AZIN1: variants seen among roughly 807,000 people sequenced by gnomAD.
The protein encoded by AZIN1 is ornithine decarboxylase antizyme inhibitor.
Under a neutral mutation model 47.4 loss-of-function variants are expected in AZIN1, and 12 were observed. The observed-to-expected ratio is 0.25, with a 90% CI of 0.16 to 0.41. AZIN1 has a LOEUF of 0.41. Ranked by LOEUF, AZIN1 falls within the 10% of genes least tolerant of loss-of-function variation. The pLI is 1.00. For synonymous variants in AZIN1, 155 were observed against 176.3 expected, an observed-to-expected ratio of 0.88 and a Z score of 0.96; for missense variants, 410 against 532.4, an observed-to-expected ratio of 0.77 and a Z score of 2.26.
intron 3 of AZIN1, among the ~76,000 whole-genome samples, chr8:102,841,163 A>G (rs1812152329): frequency 6.6e-6 from 1 of 152,246 alleles, no homozygotes; most frequent in African/African-American, 2.4e-5. Flanking sequence ...GAAAAGGGAA[A>G]TAAGTTAGGA....
chr8:102,851,521 G>C lies in AZIN1; in HGVS notation c.-96+6492C>G, dbSNP rs187046869. 1.9e-4 allele frequency among the ~76,000 whole-genome samples: 29 copies of C among 152,160 alleles called. 1 individual carries two copies. The highest frequency in any genetic ancestry group is 3.7e-4 in the Non-Finnish European group (25 of 67,968). ...AGGAGTTCCAGACCAGCCTGGCCAA[G>C]ATGGTGAAACCCTGTCTCTACTAAA... On this transcript the variant is annotated intron_variant, in intron 2 of 11. Transcript: ENST00000337198.
intron 2 of AZIN1, among the ~76,000 whole-genome samples, chr8:102,848,913 A>G (rs2131257492): frequency 6.6e-6 from 1 of 152,350 alleles, no homozygotes; most frequent in East Asian, 1.9e-4. Flanking sequence ...CTTAAGACAC[A>G]GCATGTTCTA....
intron 6 of AZIN1, chr8:102,835,367 T>C (rs3018956): frequency 0.39 from 59,293 of 152,226 alleles, 12,292 homozygotes; most frequent in Admixed American, 0.47. Context: ...ATTTTTATGT[T>C]GACTTAAATT....
Position 102,828,617 on chromosome 8 carries a change from G to T in AZIN1, c.1297C>A (p.Pro433Thr), listed in dbSNP as rs1221537137. 6.2e-7 allele frequency: 1 copy of T among 1,611,430 alleles called. No homozygotes were observed. The highest frequency in any genetic ancestry group is 2.2e-5 in the East Asian group (1 of 44,826). ...TCTTGGCTCAGCTGAATGCAAGAAGGCACAAAGAAGAAGTTCTTCATCATT... is the reference window on the plus strand; with the variant it reads ...TCTTGGCTCAGCTGAATGCAAGAAGTCACAAAGAAGAAGTTCTTCATCATT... Reference protein sequence around the residue: ...DSMMKNFFFVPSCIQLSQEDS... With the variant: ...DSMMKNFFFVTSCIQLSQEDS... The change falls in exon 12 of 12, where the codon CCT becomes ACT. Residue 433 changes from proline (P) to threonine (T), a missense_variant. Physicochemically the swap from Pro to Thr is conservative, Grantham distance 38. Coordinates refer to ENST00000337198, the MANE Select transcript of AZIN1 (RefSeq NM_148174.4).
chr8:102,848,872 T>G (rs1812749701), intron 2 of AZIN1, among the ~76,000 whole-genome samples: 1 of 152,206 alleles, frequency 6.6e-6, no homozygotes, highest in Non-Finnish European at 1.5e-5. Context: ...GGTATTAAAG[T>G]TAATTGGCGA....
At position 102,863,562 on chromosome 8, in the gene AZIN1, G is replaced by A. The variant is rs531215735; in HGVS notation, c.-234+245C>T. ...ACGCCCCCTCGCCCCAACTGCTGCG[G>A]CTCCGGCTCCGCCAAGCGTCCAGCA... On this transcript the variant is annotated intron_variant, in intron 1 of 11. Coordinates refer to ENST00000337198, the MANE Select transcript of AZIN1 (RefSeq NM_148174.4). Among the ~76,000 whole-genome samples, 286 of 151,064 alleles carry A rather than the reference G, an allele frequency of 1.9e-3. 2 individuals carry two copies. The highest frequency in any genetic ancestry group is 2.5e-3 in the Non-Finnish European group (170 of 67,582).
At chr8:102,831,879 C>T (rs930565195) in intron 9 of AZIN1, among the ~76,000 whole-genome samples, 10 of 151,968 alleles carry the variant, frequency 6.6e-5, no homozygotes, top group Non-Finnish European at 1.2e-4. Flanking sequence ...CTGCTTAAGC[C>T]GGGAGGTGGA....
intron 2 of AZIN1, among the ~76,000 whole-genome samples, chr8:102,845,088 G>A (rs2570940): frequency 0.69 from 105,468 of 151,822 alleles, 37,508 homozygotes; most frequent in African/African-American, 0.85. Flanking sequence ...TGGGCAGCCT[G>A]TTTTAAAACC....
At chr8:102,840,651 C>G (rs546006616) in intron 3 of AZIN1, among the ~76,000 whole-genome samples, 1 of 152,228 alleles carries the variant, frequency 6.6e-6, no homozygotes, top group East Asian at 1.9e-4. Context: ...TATTCTAGGA[C>G]TAGAGAGATG....
chr8:102,858,868 G>T (rs992558716), intron 1 of AZIN1, among the ~76,000 whole-genome samples: 1 of 152,142 alleles, frequency 6.6e-6, no homozygotes, highest in Non-Finnish European at 1.5e-5. Context: ...CAACATGGTA[G>T]GTGAGTTTTA....
chr8:102,863,142 T>G (rs1813837113), intron 1 of AZIN1, among the ~76,000 whole-genome samples: 1 of 152,334 alleles, frequency 6.6e-6, no homozygotes, highest in Admixed American at 6.5e-5. Context: ...AGCCTCTCGC[T>G]GGCTACCTGA....
intron 5 of AZIN1, 115 bp from the exon 6 acceptor site, chr8:102,836,505 C>A: frequency 6.1e-6 from 7 of 1,138,552 alleles, no homozygotes; most frequent in Non-Finnish European, 6.4e-6. Context: ...CCAAATCCAG[C>A]GACGGATGAA....
chr8:102,849,132 A>C (rs2131258282), intron 2 of AZIN1, among the ~76,000 whole-genome samples: 3 of 152,228 alleles, frequency 2.0e-5, no homozygotes, highest in Middle Eastern at 6.8e-3. Flanking sequence ...GTCTCTACTA[A>C]AAATATAAAA....
At chr8:102,842,263 A>G (rs772563629) in intron 3 of AZIN1, among the ~76,000 whole-genome samples, 1 of 152,220 alleles carries the variant, frequency 6.6e-6, no homozygotes, top group Non-Finnish European at 1.5e-5. Flanking sequence ...AAAGTAAATT[A>G]ATATCCACTG....
rs1813954750 is a variant in AZIN1, at chr8:102,864,118, G to A, written c.-545C>T. On this transcript the variant is annotated 5_prime_UTR_variant, in exon 1 of 12. Transcript: ENST00000337198. ...AGAAGAGGCAGAGAAGGCGACGGCA[G>A]AAGAAAAAAGGAAAAACTGCGGCCG... 2 of 171,348 alleles carry A rather than the reference G, an allele frequency of 1.2e-5. No individual in the cohort carries two copies. The highest frequency in any genetic ancestry group is 6.5e-5 in the Admixed American group (1 of 15,362). 10.6% of individuals were successfully genotyped at this position (171,348 alleles called of 1,614,324 possible). A position where few individuals can be genotyped will look rare whatever the true frequency, so the allele number is the denominator to read the frequency against.
At chr8:102,843,064 G>A (rs1021318193) in intron 3 of AZIN1, among the ~76,000 whole-genome samples, 14 of 151,844 alleles carry the variant, frequency 9.2e-5, no homozygotes, top group African/African-American at 2.7e-4. Flanking sequence ...AAAATTAGCC[G>A]GGTGTGGTGG....
chr8:102,843,572 G>A lies in AZIN1; in HGVS notation c.81C>T (p.Asn27=). The A allele has an allele frequency of 2.5e-6, 4 of 1,613,862 alleles. No homozygotes were observed. Among genetic ancestry groups the A allele is most frequent in the Non-Finnish European group, 3.4e-6 (4 of 1,179,764 alleles). The part of the protein sequence containing the change: ...EGTNLGNVID[N]YVYEHTLTGK... The stretch of plus-strand genomic sequence containing the variant: ...TTACCAGGGTATGTTCATAAACATA[G>A]TTATCAATAACATTTCCAAGGTTTG... Residue 27 remains asparagine, a synonymous_variant, in exon 3 of 12, where the codon AAC becomes AAT. Transcript: ENST00000337198.
rs1009982356 is a variant in AZIN1 at position 102,828,979 on chromosome 8, A to G, written c.1235+293T>C. On this transcript the variant is annotated intron_variant, in intron 11 of 11. Transcript: ENST00000337198. ...TATGTTTAAGTAACTTAAGATACAC[A>G]AACGCCACTGCATTACAACTGCCAA... 3.5e-4 allele frequency among the ~76,000 whole-genome samples: 53 copies of G among 152,226 alleles called. 2 individuals carry two copies. Among genetic ancestry groups the G allele is most frequent in the Non-Finnish European group, 4.4e-5 (3 of 68,044 alleles).
At chr8:102,836,776 T>C (rs1224720291) in intron 5 of AZIN1, among the ~76,000 whole-genome samples, 1 of 152,244 alleles carries the variant, frequency 6.6e-6, no homozygotes, top group African/African-American at 2.4e-5. Flanking sequence ...GGGCTTTAAA[T>C]GTCTTCAAAT....
Sources: gnomAD v4.1 joint callset for allele counts (sites outside exome capture counted in the v4.1 genomes callset) on GRCh38, gnomAD v4.1.1 for gene constraint, MANE v1.5 for transcripts, NCBI Gene and HGNC (gene_info 2026-07-23, HGNC 2026-07-21) for gene names.